GSDME: variants seen among roughly 807,000 people sequenced by gnomAD.
GSDME encodes the protein gasdermin-E.
Under a neutral mutation model 47.5 loss-of-function variants are expected in GSDME, and 44 were observed. The ratio of observed to expected loss-of-function variants is 0.93; its 90% confidence interval spans 0.73 to 1.19. The LOEUF (loss-of-function observed/expected upper bound fraction) is 1.19. Among genes scored for constraint, GSDME ranks in the 50% most tolerant of loss-of-function variants. The pLI is 0.00. For synonymous variants in GSDME, 258 were observed against 252.8 expected (o/e 1.02, Z -0.20); for missense variants, 663 against 604.2 (o/e 1.10, Z -1.02).
chr7:24,707,714 C>G, intron 7 of GSDME: 3 of 403,672 alleles, frequency 7.4e-6, no homozygotes, highest in Non-Finnish European at 1.4e-5. Flanking sequence ...GGGAAGCCCA[C>G]ATGGAGACAG....
intron 1 of GSDME, 140 bp from the exon 2 acceptor site, chr7:24,749,933 C>A (rs1790802990): frequency 3.2e-6 from 2 of 633,438 alleles, no homozygotes; most frequent in Non-Finnish European, 5.5e-6. Context: ...TCTAGTTTGA[C>A]TTTAGCTGAT....
intron 2 of GSDME, among the ~76,000 whole-genome samples, chr7:24,749,087 T>C (rs958978612): frequency 5.3e-5 from 8 of 152,204 alleles, no homozygotes; most frequent in African/African-American, 1.9e-4. Flanking sequence ...AGCTATAATG[T>C]GTCACGTCAG....
chr7:24,726,552 G>A lies in GSDME; in HGVS notation c.405-7334C>T, dbSNP rs1039971135. Among the ~76,000 whole-genome samples, 6 of 152,194 alleles carry A rather than the reference G, an allele frequency of 3.9e-5. No homozygotes were observed. The highest frequency in any genetic ancestry group is 7.3e-5 in the Non-Finnish European group (5 of 68,030). Reference sequence around the variant, plus strand: ...ATAGTAACAATGGTAGGCCGGGCGCGGTGGCTCACGCCTGTTATCCCAGCA... The same window carrying A: ...ATAGTAACAATGGTAGGCCGGGCGCAGTGGCTCACGCCTGTTATCCCAGCA... On this transcript the variant is annotated intron_variant, in intron 3 of 9. Transcript: ENST00000645220. This position sits in a 1 kb window ranked among gnomAD's most constrained non-coding sequence, Gnocchi z 5.6.
rs953834011 is a variant in GSDME at position 24,704,458 on chromosome 7, A to G, written c.1184-1625T>C. 3 of 152,186 alleles carry G rather than the reference A, an allele frequency of 2.0e-5. No homozygotes were observed. The East Asian group carries it at 5.8e-4, about 29-fold the overall frequency. The allele number at this position is 152,186 out of a possible 1,614,324, so 9.4% of individuals were successfully genotyped here. A position where few individuals can be genotyped will look rare whatever the true frequency, so the allele number is the denominator to read the frequency against. ...TTTAAGGAGAGAAGATTATATTAAG[A>G]GGAAAAAAAATGAACTCAGAAGGGC... On this transcript the variant is annotated intron_variant, in intron 8 of 9. Coordinates refer to ENST00000645220, the MANE Select transcript of GSDME (RefSeq NM_001127453.2).
At chr7:24,783,931 G>A in the GSDME span, among the ~76,000 whole-genome samples, 2 of 152,098 alleles carry the variant, frequency 1.3e-5, no homozygotes, top group African/African-American at 4.8e-5. Flanking sequence ...GATGCCCCAG[G>A]GGATTTCCAC....
the GSDME span, among the ~76,000 whole-genome samples, chr7:24,764,651 G>C: frequency 6.6e-6 from 1 of 152,296 alleles, no homozygotes; most frequent in East Asian, 1.9e-4. This position sits in a 1 kb window ranked among gnomAD's most constrained non-coding sequence, Gnocchi z 4.4. Context: ...CTAAGACATG[G>C]CTGTTTGATG....
At position 24,706,361 on chromosome 7, in the gene GSDME, T is replaced by C. The variant is rs1172475937; in HGVS notation, c.1006A>G (p.Ser336Gly). 6.2e-7 allele frequency: 1 copy of C among 1,612,690 alleles called. No homozygotes were observed. The highest frequency in any genetic ancestry group is 8.5e-7 in the Non-Finnish European group (1 of 1,179,834). Residue 336 changes from serine to glycine, a missense_variant, in exon 8 of 10, where the codon AGC (serine) becomes GGC (glycine). Physicochemically the swap from Ser to Gly is moderately conservative, Grantham distance 56. Coordinates refer to ENST00000645220, the MANE Select transcript of GSDME (RefSeq NM_001127453.2). ...VLEPVCDDLV[S>G]GLSPTVAVLG... ...ACCGCCACTGTGGGCGAGAGGCCGC[T>C]GACCAGGTCATCGCACTGTAGGGCA...
In GSDME at chr7:24,725,164, C is replaced by T. The variant is rs943531808; in HGVS notation, c.405-5946G>A. Among the ~76,000 whole-genome samples, 5 of 152,220 alleles carry T rather than the reference C, an allele frequency of 3.3e-5. No homozygotes were observed. The highest frequency in any genetic ancestry group is 6.5e-5 in the Admixed American group (1 of 15,290). Reference sequence around the variant, plus strand: ...AATAATGCAAACAGACTAACTCAATCTCCTCCTAGCTGAGCTACTGCTCCA... The same window carrying T: ...AATAATGCAAACAGACTAACTCAATTTCCTCCTAGCTGAGCTACTGCTCCA... On this transcript the variant is annotated intron_variant, in intron 3 of 9. Coordinates refer to ENST00000645220, the MANE Select transcript of GSDME (RefSeq NM_001127453.2). The surrounding 1 kb of genome is among the most constrained non-coding windows in gnomAD (Gnocchi z 5.1).
intron 7 of GSDME, among the ~76,000 whole-genome samples, chr7:24,706,751 C>T (rs945631204): frequency 1.1e-4 from 16 of 152,314 alleles, no homozygotes; most frequent in African/African-American, 2.6e-4. Flanking sequence ...CTCCAGCCCC[C>T]GGCCACATTC....
At chr7:24,718,427 C>G (rs1203951042) in intron 4 of GSDME, among the ~76,000 whole-genome samples, 1 of 152,212 alleles carries the variant, frequency 6.6e-6, no homozygotes, top group African/African-American at 2.4e-5. Flanking sequence ...CTAGAAGAAT[C>G]TATGTAGAGA....
Position 24,744,776 on chromosome 7 carries a change from G to A in GSDME, c.212-22C>T, listed in dbSNP as rs752181923. The A allele has an allele frequency of 3.2e-5, 52 of 1,613,290 alleles. No homozygotes were observed. The highest frequency in any genetic ancestry group is 4.2e-5 in the Non-Finnish European group (50 of 1,179,778). ...ACCACTGGAATGGAGGAGACGAGCA[G>A]AGGAAGCCGATGATGATAAGGCCAC... On this transcript the variant is annotated intron_variant, in intron 2 of 9. Coordinates refer to ENST00000645220, the MANE Select transcript of GSDME (RefSeq NM_001127453.2). This position sits in a 1 kb window ranked among gnomAD's most constrained non-coding sequence, Gnocchi z 4.5.
chr7:24,720,804 G>A (rs1237025783), intron 3 of GSDME, among the ~76,000 whole-genome samples: 1 of 152,152 alleles, frequency 6.6e-6, no homozygotes, highest in East Asian at 1.9e-4. Flanking sequence ...CTACTCAGCA[G>A]GCTGAGGCAG....
the GSDME span, among the ~76,000 whole-genome samples, chr7:24,770,370 T>TAGA: frequency 1.3e-5 from 2 of 152,228 alleles, no homozygotes; most frequent in Non-Finnish European, 2.9e-5. The surrounding 1 kb of genome is among the most constrained non-coding windows in gnomAD (Gnocchi z 4.6). Flanking sequence ...TTGTATCCTT[T>TAGA]ATGATAAACT....
At chr7:24,703,650 C>CTTAT (rs2128046476) in intron 8 of GSDME, 2 of 153,258 alleles carry the variant, frequency 1.3e-5, no homozygotes, top group South Asian at 4.1e-4. Flanking sequence ...TGTTAGCAGC[C>CTTAT]TTATTTGTAA....
rs76172893 is a variant in GSDME at position 24,705,712 on chromosome 7, T to A, written c.1183+472A>T. 1 of 274,252 alleles carries A rather than the reference T, an allele frequency of 3.6e-6. No homozygotes were observed. Among genetic ancestry groups the A allele is most frequent in the Admixed American group, 4.9e-5 (1 of 20,420 alleles). The allele number at this position is 274,252 out of a possible 1,614,324, so 17.0% of individuals were successfully genotyped here. ...CAGCTCTGCCTCCCAGCCTAGTACA[T>A]TGGATGGTTGAATGCTCTCCACAGC... On this transcript the variant is annotated intron_variant, in intron 8 of 9. Coordinates refer to ENST00000645220, the MANE Select transcript of GSDME (RefSeq NM_001127453.2). The surrounding 1 kb of genome is among the most constrained non-coding windows in gnomAD (Gnocchi z 4.1).
At position 24,719,111 on chromosome 7, in the gene GSDME, G is replaced by C; in HGVS notation, c.512C>G (p.Ser171Cys). Residue 171 changes from serine (S) to cysteine (C), a missense_variant, in exon 4 of 10, where the codon TCT becomes TGT. Transcript: ENST00000645220. ...CTTCTCCTCGACCTGCATGTGCTCA[G>C]AGATCACACACTTCTGCATCGTCGT... Reference protein sequence around the residue: ...KITTMQKCVISEHMQVEEKCG... With the variant: ...KITTMQKCVICEHMQVEEKCG... The C allele has an allele frequency of 2.5e-6, 4 of 1,613,842 alleles. No homozygotes were observed. The highest frequency in any genetic ancestry group is 3.4e-6 in the Non-Finnish European group (4 of 1,180,030).
the GSDME span, among the ~76,000 whole-genome samples, chr7:24,772,481 T>C: frequency 4.6e-5 from 7 of 152,244 alleles, no homozygotes; most frequent in African/African-American, 1.7e-4. This position sits in a 1 kb window ranked among gnomAD's most constrained non-coding sequence, Gnocchi z 4.5. Flanking sequence ...CTCACTGCTG[T>C]GTCCTCAGTG....
intron 3 of GSDME, among the ~76,000 whole-genome samples, chr7:24,730,745 G>C (rs1226715495): frequency 6.6e-6 from 1 of 152,220 alleles, no homozygotes; most frequent in Non-Finnish European, 1.5e-5. Context: ...AACCCAGGAA[G>C]CGGAGGTTGC....
intron 5 of GSDME, among the ~76,000 whole-genome samples, chr7:24,711,229 G>T (rs868395157): frequency 2.0e-5 from 3 of 152,030 alleles, no homozygotes; most frequent in South Asian, 4.2e-4. Context: ...GTTTTTGGTT[G>T]TTTTGTTTTT....
Sources: allele counts gnomAD v4.1 joint callset (sites outside exome capture counted in the v4.1 genomes callset), GRCh38; gene constraint gnomAD v4.1.1; non-coding constraint Gnocchi (gnomAD v3.1); transcripts MANE v1.5; gene names NCBI Gene and HGNC (gene_info 2026-07-23, HGNC 2026-07-21).